MMP26: variants seen among roughly 807,000 people sequenced by gnomAD.
MMP26 encodes matrix metallopeptidase 26, also known as matrix metalloproteinase-26.
A neutral mutation model predicts 31.0 loss-of-function variants in MMP26; 33 were observed. The ratio of observed to expected loss-of-function variants is 1.06; its 90% CI spans 0.81 to 1.42. The LOEUF (loss-of-function observed/expected upper bound fraction) is 1.42. Ranked by LOEUF, MMP26 falls within the 40% of genes most tolerant of loss-of-function variation. The pLI is 0.00. For missense variants in MMP26, 347 were observed against 316.1 expected (o/e 1.10, Z -0.74); for synonymous variants, 122 against 114.9 (o/e 1.06, Z -0.40).
chr11:4,894,045 T>C (rs1040990480), intron 2 of MMP26, among the ~76,000 whole-genome samples: 5 of 152,206 alleles, frequency 3.3e-5, no homozygotes, highest in African/African-American at 1.2e-4. Flanking sequence ...TTATTAAGAT[T>C]GCTGATTAGT....
chr11:4,921,921 G>A (rs1851190782), intron 2 of MMP26, among the ~76,000 whole-genome samples: 1 of 152,188 alleles, frequency 6.6e-6, no homozygotes, highest in Non-Finnish European at 1.5e-5. Context: ...TAGTGGTGAA[G>A]TCTGGCCTTT....
At chr11:4,740,556 G>A (rs185532439) in intron 1 of MMP26, among the ~76,000 whole-genome samples, 12 of 151,916 alleles carry the variant, frequency 7.9e-5, no homozygotes, top group South Asian at 6.2e-4. Flanking sequence ...GAGGGTGGGC[G>A]CCTGTAATCC....
chr11:4,753,398 T>A (rs1399529654), intron 1 of MMP26, among the ~76,000 whole-genome samples: 1 of 152,184 alleles, frequency 6.6e-6, no homozygotes. Flanking sequence ...TCAATTTATT[T>A]AAATACATTT....
intron 2 of MMP26, among the ~76,000 whole-genome samples, chr11:4,831,700 G>A (rs948498813): frequency 1.3e-5 from 2 of 152,124 alleles, no homozygotes; most frequent in African/African-American, 4.8e-5. Context: ...CTTAAGTGCT[G>A]TGACTATAGC....
chr11:4,969,167 A>C (rs1044582950), intron 2 of MMP26, among the ~76,000 whole-genome samples: 12 of 152,148 alleles, frequency 7.9e-5, no homozygotes, highest in African/African-American at 2.9e-4. Flanking sequence ...TTGCAAATTT[A>C]TTAATACATA....
At chr11:4,739,441 T>C (rs1268351032) in intron 1 of MMP26, among the ~76,000 whole-genome samples, 1 of 152,170 alleles carries the variant, frequency 6.6e-6, no homozygotes, top group African/African-American at 2.4e-5. Flanking sequence ...ACTAAGCCAA[T>C]CTGGTAGTGC....
intron 2 of MMP26, chr11:4,804,230 C>T (rs758140019): frequency 6.2e-7 from 1 of 1,613,966 alleles, no homozygotes; most frequent in South Asian, 1.1e-5. Context: ...ATTCTGATTA[C>T]ATGGAGGAGA....
intron 2 of MMP26, chr11:4,945,508 C>T (rs545301197): frequency 1.3e-5 from 2 of 153,296 alleles, no homozygotes; most frequent in Non-Finnish European, 2.9e-5. Flanking sequence ...GACACTTACA[C>T]ATTCAATTTG....
intron 1 of MMP26, among the ~76,000 whole-genome samples, chr11:4,766,503 T>A (rs1302223417): frequency 6.6e-6 from 1 of 152,196 alleles, no homozygotes; most frequent in Non-Finnish European, 1.5e-5. Flanking sequence ...TGAGGAGTTC[T>A]TTGACTCTAA....
intron 2 of MMP26, chr11:4,923,937 A>G (rs1851226691): frequency 6.2e-7 from 1 of 1,614,186 alleles, no homozygotes; most frequent in South Asian, 1.1e-5. Flanking sequence ...AGGACGGTGG[A>G]GTCATGCAGT....
At chr11:4,839,829 A>G (rs762103450) in intron 2 of MMP26, among the ~76,000 whole-genome samples, 15 of 151,858 alleles carry the variant, frequency 9.9e-5, no homozygotes, top group Middle Eastern at 3.4e-3. Flanking sequence ...TTTCTCTTGC[A>G]CCGTAGGTAC....
rs1216379215 is a variant in MMP26, at chr11:4,992,127, T to C, written c.757+2T>C. 1 of 1,613,470 alleles carries C rather than the reference T, an allele frequency of 6.2e-7. No homozygotes were observed. Among genetic ancestry groups the C allele is most frequent in the Admixed American group, 1.7e-5 (1 of 59,936 alleles). On this transcript the variant is annotated splice_donor_variant, in intron 7 of 7. Coordinates refer to ENST00000380390, the MANE Select transcript of MMP26 (RefSeq NM_021801.5). LOFTEE classifies it high-confidence loss of function. ...TCCAAAGGATCCAGCATTTGTATGG[T>C]CTGTGCTGCTTAAGGAAGAGAAGGG... is the stretch of plus-strand genomic sequence containing the variant.
At chr11:4,770,853 A>G (rs376628398) in intron 2 of MMP26, among the ~76,000 whole-genome samples, 25 of 152,240 alleles carry the variant, frequency 1.6e-4, no homozygotes, top group African/African-American at 4.3e-4. Flanking sequence ...AAAAGAAGAA[A>G]AAAAAAAAAC....
chr11:4,710,490 G>A, intron 1 of MMP26: 1 of 434,984 alleles, frequency 2.3e-6, no homozygotes, highest in South Asian at 1.6e-5. Context: ...TGTGCTCAAA[G>A]CATTTCTTTC....
intron 2 of MMP26, among the ~76,000 whole-genome samples, chr11:4,886,317 T>G (rs914742287): frequency 1.3e-5 from 2 of 152,096 alleles, no homozygotes; most frequent in African/African-American, 4.8e-5. Flanking sequence ...CTCCTAACAC[T>G]TTATTGCTCT....
At chr11:4,766,511 T>C (rs1848630731) in intron 1 of MMP26, among the ~76,000 whole-genome samples, 1 of 152,182 alleles carries the variant, frequency 6.6e-6, no homozygotes, top group Non-Finnish European at 1.5e-5. Context: ...TCTTTGACTC[T>C]AACAATTAGA....
chr11:4,731,260 C>A (rs1848169692), intron 1 of MMP26, among the ~76,000 whole-genome samples: 1 of 152,104 alleles, frequency 6.6e-6, no homozygotes, highest in African/African-American at 2.4e-5. Flanking sequence ...TTTCAGTAGG[C>A]CACTTTGGGT....
At chr11:4,914,257 G>A in intron 2 of MMP26, 1 of 158,798 alleles carries the variant, frequency 6.3e-6, no homozygotes, top group Non-Finnish European at 1.4e-5. Context: ...CGTCGCCTGG[G>A]CTTCCTCTTA....
intron 2 of MMP26, among the ~76,000 whole-genome samples, chr11:4,941,365 A>C (rs1439899543): frequency 1.3e-5 from 2 of 152,218 alleles, no homozygotes; most frequent in Non-Finnish European, 2.9e-5. Context: ...TGGAAATTAG[A>C]AAGAGACAAA....
Sources: allele counts gnomAD v4.1 joint callset (sites outside exome capture counted in the v4.1 genomes callset), GRCh38; gene constraint gnomAD v4.1.1; transcripts MANE v1.5; gene names NCBI Gene and HGNC (gene_info 2026-07-23, HGNC 2026-07-21).